LPIN3: variants seen among roughly 807,000 people sequenced by gnomAD.
The protein encoded by LPIN3 is phosphatidate phosphatase LPIN3.
Under a neutral mutation model 94.7 loss-of-function variants are expected in LPIN3, and 82 were observed. That is an observed-to-expected ratio of 0.87 (90% confidence interval 0.72 to 1.04). The LOEUF is 1.04. Ranked by LOEUF, LPIN3 falls within the 50% of genes least tolerant of loss-of-function variation. LPIN3 has a pLI of 0.00. For synonymous variants in LPIN3, 418 were observed against 443.3 expected (o/e 0.94, Z 0.72); for missense variants, 996 against 1,090.5 (o/e 0.91, Z 1.22).
intron 9 of LPIN3, 122 bp downstream of exon 9, chr20:41,352,342 C>T (rs1280509718): frequency 1.7e-6 from 2 of 1,177,894 alleles, no homozygotes; most frequent in Non-Finnish European, 2.4e-6. Flanking sequence ...CTGCAGCTCT[C>T]TGCCCTGTGC....
At chr20:41,350,584 C>T (rs554626273) in intron 7 of LPIN3, among the ~76,000 whole-genome samples, 187 bp downstream of exon 7, 30 of 152,086 alleles carry the variant, frequency 2.0e-4, no homozygotes, top group Non-Finnish European at 3.8e-4. Flanking sequence ...GTGCCACAGG[C>T]ATAGTCATTG....
rs1185926169 is a variant in LPIN3 at position 41,357,296 on chromosome 20, C to T, written c.1953-65C>T. The T allele has an allele frequency of 5.4e-5, 87 of 1,598,038 alleles. 1 individual carries two copies. Among genetic ancestry groups the T allele is most frequent in the Non-Finnish European group, 2.1e-5 (24 of 1,167,476 alleles). On this transcript the variant is annotated intron_variant, in intron 15 of 19. Transcript: ENST00000373257. The stretch of plus-strand genomic sequence containing the variant: ...GAGGAGCCCTCCCTTCCTGGTGGGC[C>T]ATCCTGGGGCTGGAGCTGGGCCACG...
At chr20:41,353,766 A>G (rs1385625961) in intron 11 of LPIN3, among the ~76,000 whole-genome samples, 1 of 152,208 alleles carries the variant, frequency 6.6e-6, no homozygotes, top group Non-Finnish European at 1.5e-5. Flanking sequence ...GGCATGGCCT[A>G]TTGTTCTTGG....
Position 41,350,207 on chromosome 20 carries a change from T to C in LPIN3, c.912T>C (p.Gly304=), listed in dbSNP as rs754259804. ...LGLPIQQTEA[G]ADLQPDTEDP... Reference sequence around the variant, plus strand: ...TCCCAATCCAGCAAACAGAGGCTGGTGCCGACCTTCAGCCTGACACAGAGG... The same window carrying C: ...TCCCAATCCAGCAAACAGAGGCTGGCGCCGACCTTCAGCCTGACACAGAGG... Residue 304 remains glycine (G), a synonymous_variant, in exon 7 of 20, where the codon GGT becomes GGC. Coordinates refer to ENST00000373257, the MANE Select transcript of LPIN3 (RefSeq NM_022896.3). 3 of 1,610,938 alleles carry C rather than the reference T, an allele frequency of 1.9e-6. No individual in the cohort carries two copies. The highest frequency in any genetic ancestry group is 4.5e-5 in the East Asian group (2 of 44,712).
rs1440756671 is a variant in LPIN3, at chr20:41,351,959, G to A, written c.1202+39G>A. 1.9e-6 allele frequency: 3 copies of A among 1,613,590 alleles called. No homozygotes were observed. The South Asian group carries it at 3.3e-5, about 18-fold the overall frequency. On this transcript the variant is annotated intron_variant, in intron 8 of 19. Coordinates refer to ENST00000373257, the MANE Select transcript of LPIN3 (RefSeq NM_022896.3). ...GGATGCCAGGGTGTCTTGGGTCTGG[G>A]CTCCTGGGGCCAAGGGTCCACTATC...
intron 1 of LPIN3, among the ~76,000 whole-genome samples, chr20:41,343,310 G>A (rs996827388): frequency 2.0e-5 from 3 of 152,210 alleles, no homozygotes; most frequent in African/African-American, 4.8e-5. Flanking sequence ...GGAAGCCTCT[G>A]GAGTCCTCTC....
chr20:41,360,471 T>TC lies in LPIN3; in HGVS notation c.*1605_*1606insC, dbSNP rs1555881888. 1 of 152,046 alleles carries TC rather than the reference T, an allele frequency of 6.6e-6. No individual in the cohort carries two copies. Among genetic ancestry groups the TC allele is most frequent in the Non-Finnish European group, 1.5e-5 (1 of 67,958 alleles). 9.4% of individuals were successfully genotyped at this position (152,046 alleles called of 1,614,324 possible). A position where few individuals can be genotyped will look rare whatever the true frequency, so the allele number is the denominator to read the frequency against. ...GGAAAGGAAAAGGATAAATTTGGAG[T>TC]GGGGGGTCTCTAAACAGATTGCCTG... On this transcript the variant is annotated 3_prime_UTR_variant, in exon 20 of 20. Transcript: ENST00000373257.
At chr20:41,347,434 A>C (rs1600715253) in intron 2 of LPIN3, 118 bp from the exon 3 acceptor site, 1 of 893,616 alleles carries the variant, frequency 1.1e-6, no homozygotes. Context: ...GAGGGAGGGA[A>C]CCCCAGCAAG....
In LPIN3 at chr20:41,358,247, G is replaced by A. The variant is rs200532675; in HGVS notation, c.2203G>A (p.Glu735Lys). The A allele has an allele frequency of 6.9e-5, 111 of 1,613,732 alleles. No individual in the cohort carries two copies. The highest frequency in any genetic ancestry group is 1.6e-4 in the Middle Eastern group (1 of 6,084). ...TTCTGGCCACCCCAGAGAGGTGATC[G>A]AGAAGAAACCAGAGGTGTTCAAGGT... Reference protein sequence around the residue: ...LFSALHREVIEKKPEVFKVAC... With the variant: ...LFSALHREVIKKKPEVFKVAC... Residue 735 changes from glutamate to lysine, a missense_variant, in exon 18 of 20, where the codon GAG (glutamate) becomes AAG (lysine). By Grantham distance (56) the Glu-to-Lys change is moderately conservative. Transcript: ENST00000373257.
intron 13 of LPIN3, 147 bp from the exon 14 acceptor site, chr20:41,355,749 A>C: frequency 2.0e-6 from 2 of 1,013,322 alleles, no homozygotes; most frequent in Non-Finnish European, 2.9e-6. Context: ...CCACCACTCC[A>C]AATGGGTTGC....
chr20:41,355,997 C>G lies in LPIN3; in HGVS notation c.1766C>G (p.Thr589Ser), dbSNP rs768306356. The change falls in exon 14 of 20, where the codon ACC becomes AGC. Residue 589 changes from threonine to serine, a missense_variant. Thr to Ser is a moderately conservative substitution (Grantham distance 58). Transcript: ENST00000373257. ...CCCTCCACTCCACCCTCCACTCCTACCTACAAGAAGTCCCTCCGCCTCTCC... is the reference window on the plus strand; with the variant it reads ...CCCTCCACTCCACCCTCCACTCCTAGCTACAAGAAGTCCCTCCGCCTCTCC... ...LPPSTPPSTP[T>S]YKKSLRLSSD... 1 of 1,614,134 alleles carries G rather than the reference C, an allele frequency of 6.2e-7. No homozygotes were observed. Among genetic ancestry groups the G allele is most frequent in the Non-Finnish European group, 8.5e-7 (1 of 1,179,998 alleles).
chr20:41,350,181 C>T lies in LPIN3; in HGVS notation c.886C>T (p.Leu296Phe), dbSNP rs2045955707. The change falls in exon 7 of 20, where the codon CTC becomes TTC. Residue 296 changes from leucine (L) to phenylalanine (F), a missense_variant. Coordinates refer to ENST00000373257, the MANE Select transcript of LPIN3 (RefSeq NM_022896.3). ...SVAGGVDPLG[L>F]PIQQTEAGAD... Reference sequence around the variant, plus strand: ...GGCTGGCGGCGTGGACCCTTTGGGACTCCCAATCCAGCAAACAGAGGCTGG... The same window carrying T: ...GGCTGGCGGCGTGGACCCTTTGGGATTCCCAATCCAGCAAACAGAGGCTGG... 1.2e-6 allele frequency: 2 copies of T among 1,613,470 alleles called. No individual in the cohort carries two copies. The highest frequency in any genetic ancestry group is 1.7e-6 in the Non-Finnish European group (2 of 1,179,994).
chr20:41,354,893 A>T, intron 13 of LPIN3, 30 bp downstream of exon 13: 1 of 1,546,958 alleles, frequency 6.5e-7, no homozygotes, highest in Non-Finnish European at 8.7e-7. Flanking sequence ...GGGGCTCTGC[A>T]GGGGGAGCCT....
intron 2 of LPIN3, 66 bp downstream of exon 2, chr20:41,346,061 CA>C: frequency 6.5e-7 from 1 of 1,539,202 alleles, no homozygotes; most frequent in Non-Finnish European, 8.8e-7. Context: ...GCAGCCACTA[CA>C]GTCCCAGGAC....
intron 3 of LPIN3, among the ~76,000 whole-genome samples, chr20:41,348,141 T>G (rs1212919411): frequency 6.6e-6 from 1 of 152,164 alleles, no homozygotes; most frequent in Non-Finnish European, 1.5e-5. Context: ...GAGTCCCTAC[T>G]GTAGGCCAGA....
chr20:41,346,975 A>G (rs1047875366), intron 2 of LPIN3, among the ~76,000 whole-genome samples: 1 of 152,166 alleles, frequency 6.6e-6, no homozygotes, highest in Admixed American at 6.5e-5. Context: ...TGGCTTCATA[A>G]GCTCACTTGC....
Position 41,352,810 on chromosome 20 carries a change from G to C in LPIN3, c.1470G>C (p.Trp490Cys). 2 of 1,614,204 alleles carry C rather than the reference G, an allele frequency of 1.2e-6. No individual in the cohort carries two copies. The highest frequency in any genetic ancestry group is 1.7e-6 in the Non-Finnish European group (2 of 1,180,034). The change falls in exon 11 of 20, where the codon TGG (tryptophan) becomes TGC (cysteine). Residue 490 changes from tryptophan to cysteine, a missense_variant. Physicochemically the swap from Trp to Cys is radical, Grantham distance 215 (BLOSUM62 -2). Transcript: ENST00000373257. ...VVKINGKHYN[W>C]AVAAPMILSL... The stretch of plus-strand genomic sequence containing the variant: ...TCTGTCTCTCTAGGCATTATAACTG[G>C]GCTGTGGCTGCCCCCATGATCCTCT...
chr20:41,357,930 G>A lies in LPIN3; in HGVS notation c.2088G>A (p.Ala696=), dbSNP rs145392657. ...LYCSARAIGM[A]DLTKGYLQWV... ...GCTCGGCGCGGGCCATTGGCATGGC[G>A]GACCTCACCAAGGGGTACCTGCAGT... is the stretch of plus-strand genomic sequence containing the variant. Residue 696 remains alanine, a synonymous_variant, in exon 17 of 20, where the codon GCG becomes GCA. Transcript: ENST00000373257. The A allele has an allele frequency of 1.3e-4, 215 of 1,613,980 alleles. No individual in the cohort carries two copies. Among genetic ancestry groups the A allele is most frequent in the East Asian group, 3.3e-4 (15 of 44,894 alleles).
chr20:41,350,754 A>G (rs952899828), intron 7 of LPIN3, among the ~76,000 whole-genome samples: 1 of 152,176 alleles, frequency 6.6e-6, no homozygotes, highest in South Asian at 2.1e-4. Flanking sequence ...GTAAGGCTGG[A>G]GAGAAGTTTC....
Sources: gnomAD v4.1 joint callset for allele counts (sites outside exome capture counted in the v4.1 genomes callset) on GRCh38, gnomAD v4.1.1 for gene constraint, MANE v1.5 for transcripts, NCBI Gene and HGNC (gene_info 2026-07-23, HGNC 2026-07-21) for gene names.